The following SPIDR variants were observed in gnomAD, a reference collection of about 807,000 sequenced individuals.
SPIDR encodes DNA repair-scaffolding protein.
SPIDR carries 93 observed loss-of-function variants against 104.6 expected under a neutral mutation model. That is an observed-to-expected ratio of 0.89 (90% CI 0.75 to 1.06). The LOEUF is 1.06. SPIDR is among the 50% of genes least tolerant of loss of function. SPIDR has a pLI of 0.00. For missense variants in SPIDR, 1,154 were observed against 1,111.2 expected (o/e 1.04, Z -0.55); for synonymous variants, 431 against 416.9 (o/e 1.03, Z -0.41).
At chr8:47,327,956 C>T (rs1008302620) in intron 5 of SPIDR, among the ~76,000 whole-genome samples, 5 of 150,628 alleles carry the variant, frequency 3.3e-5, no homozygotes, top group South Asian at 4.2e-4. Flanking sequence ...CCTTGGCCTT[C>T]GAAAGTGCTG....
intron 8 of SPIDR, among the ~76,000 whole-genome samples, chr8:47,504,729 A>G (rs1395502788): frequency 1.3e-5 from 2 of 152,094 alleles, no homozygotes; most frequent in African/African-American, 4.8e-5. Flanking sequence ...TAGAGTTTCC[A>G]GTTTTTCTGC....
At chr8:47,270,108 T>C (rs369935237) in intron 1 of SPIDR, among the ~76,000 whole-genome samples, 6 of 152,234 alleles carry the variant, frequency 3.9e-5, no homozygotes, top group South Asian at 4.1e-4. Context: ...TTTTGCTCTG[T>C]GCTTCGTTGT....
At position 47,693,714 on chromosome 8, in the gene SPIDR, G is replaced by A. The variant is rs186005270; in HGVS notation, c.1686-6689G>A. On this transcript the variant is annotated intron_variant, in intron 11 of 19. Coordinates refer to ENST00000297423, the MANE Select transcript of SPIDR (RefSeq NM_001080394.4). ...GAGGATCTCGGTGGTGACCAGCCCC[G>A]GAACACAGGGTGAGGTGGGGCAGAG... is the stretch of plus-strand genomic sequence containing the variant. 3.6e-3 allele frequency among the ~76,000 whole-genome samples: 519 copies of A among 142,818 alleles called. 2 individuals are homozygous for A. Among genetic ancestry groups the A allele is most frequent in the African/African-American group, 0.013 (492 of 38,390 alleles). The allele number at this position is 142,818 out of a possible 152,430, so 93.7% of individuals were successfully genotyped here.
chr8:47,653,236 C>CT (rs1322449076), intron 10 of SPIDR, among the ~76,000 whole-genome samples: 1 of 152,278 alleles, frequency 6.6e-6, no homozygotes, highest in South Asian at 2.1e-4. Context: ...CTGTAGGACA[C>CT]TAACTTACCC....
At chr8:47,486,959 C>T (rs931119697) in intron 8 of SPIDR, among the ~76,000 whole-genome samples, 3 of 152,276 alleles carry the variant, frequency 2.0e-5, no homozygotes, top group Admixed American at 6.5e-5. Flanking sequence ...GCAAAATAAC[C>T]AGCTAACATC....
At chr8:47,507,968 G>A (rs2081733928) in intron 8 of SPIDR, among the ~76,000 whole-genome samples, 2 of 152,182 alleles carry the variant, frequency 1.3e-5, no homozygotes, top group Admixed American at 6.5e-5. Context: ...CATATGGAGG[G>A]CTTTTTCTTG....
At chr8:47,535,024 C>T (rs886389248) in intron 8 of SPIDR, among the ~76,000 whole-genome samples, 1 of 152,030 alleles carries the variant, frequency 6.6e-6, no homozygotes, top group South Asian at 2.1e-4. Context: ...AACTCTCTGC[C>T]CACAAATTCA....
At chr8:47,674,268 G>A (rs1012001800) in intron 11 of SPIDR, among the ~76,000 whole-genome samples, 4 of 152,198 alleles carry the variant, frequency 2.6e-5, no homozygotes, top group African/African-American at 7.2e-5. Context: ...TTGGGTGGTA[G>A]GTTGTGTAAA....
Position 47,508,946 on chromosome 8 carries a change from A to G in SPIDR, c.1097+68404A>G, listed in dbSNP as rs115111137. 9.4e-3 allele frequency among the ~76,000 whole-genome samples: 1,412 copies of G among 150,956 alleles called. 24 individuals are homozygous for G. The highest frequency in any genetic ancestry group is 0.032 in the African/African-American group (1,314 of 41,028). Reference sequence around the variant, plus strand: ...ATGGAAGTGTCCTTCCATTTTATATATATATATGTATATAAAATGGAAGTG... The same window carrying G: ...ATGGAAGTGTCCTTCCATTTTATATGTATATATGTATATAAAATGGAAGTG... On this transcript the variant is annotated intron_variant, in intron 8 of 19. Coordinates refer to ENST00000297423, the MANE Select transcript of SPIDR (RefSeq NM_001080394.4).
chr8:47,664,892 C>T (rs1278809490), intron 10 of SPIDR, among the ~76,000 whole-genome samples: 1 of 145,968 alleles, frequency 6.9e-6, no homozygotes, highest in Non-Finnish European at 1.5e-5. Flanking sequence ...GAGACCCTGT[C>T]TCAAAAAAAA....
chr8:47,531,131 A>G (rs1294949066), intron 8 of SPIDR, among the ~76,000 whole-genome samples: 1 of 152,176 alleles, frequency 6.6e-6, no homozygotes, highest in Non-Finnish European at 1.5e-5. Context: ...TCCTAGCCAC[A>G]AGTGTTCTTC....
chr8:47,736,253 T>C lies in SPIDR; in HGVS notation c.*803T>C, dbSNP rs2086222954. On this transcript the variant is annotated 3_prime_UTR_variant, in exon 20 of 20. Transcript: ENST00000297423. ...CATGGTTAACTACATCAGATACACG[T>C]AGCAGCCGTGACCAAGACATGGTGC... 6.6e-6 allele frequency: 1 copy of C among 152,286 alleles called. No homozygotes were observed. Among genetic ancestry groups the C allele is most frequent in the Admixed American group, 6.5e-5 (1 of 15,284 alleles). The allele number at this position is 152,286 out of a possible 1,614,324, so 9.4% of individuals were successfully genotyped here.
intron 10 of SPIDR, among the ~76,000 whole-genome samples, chr8:47,654,773 T>C (rs1051038453): frequency 6.6e-6 from 1 of 152,178 alleles, no homozygotes; most frequent in Admixed American, 6.5e-5. Context: ...ATGTGCACAA[T>C]GTGCAGGTTT....
chr8:47,294,100 T>A, intron 5 of SPIDR, 70 bp downstream of exon 5: 3 of 1,535,854 alleles, frequency 2.0e-6, no homozygotes, highest in Non-Finnish European at 1.7e-6. Context: ...TCATTTTTTT[T>A]TTTGTTTTTT....
chr8:47,580,750 T>A (rs556574880), intron 8 of SPIDR, among the ~76,000 whole-genome samples: 1 of 152,144 alleles, frequency 6.6e-6, no homozygotes, highest in South Asian at 2.1e-4. Context: ...CTGTTTCAAA[T>A]GTACTCTCCT....
intron 8 of SPIDR, among the ~76,000 whole-genome samples, chr8:47,450,172 G>GA (rs1268767982): frequency 1.3e-5 from 2 of 151,866 alleles, no homozygotes; most frequent in East Asian, 1.9e-4. Flanking sequence ...CTCAAAAAAA[G>GA]AAAAAAATTC....
At chr8:47,543,747 T>C (rs1387135847) in intron 8 of SPIDR, among the ~76,000 whole-genome samples, 2 of 152,164 alleles carry the variant, frequency 1.3e-5, no homozygotes, top group Non-Finnish European at 2.9e-5. Flanking sequence ...ACAGAGGACC[T>C]GAAAACCCTC....
Position 47,439,940 on chromosome 8 carries a change from C to G in SPIDR, c.878-383C>G, listed in dbSNP as rs180742739. On this transcript the variant is annotated intron_variant, in intron 7 of 19. Transcript: ENST00000297423. Reference sequence around the variant, plus strand: ...CAAAACAGATAATAAAGAGGAGGGTCCATCCTTAAGAAGAATCCACAGTGG... The same window carrying G: ...CAAAACAGATAATAAAGAGGAGGGTGCATCCTTAAGAAGAATCCACAGTGG... Among the ~76,000 whole-genome samples the G allele has an allele frequency of 2.0e-4, 30 of 152,294 alleles. 1 individual carries two copies. Among genetic ancestry groups the G allele is most frequent in the Middle Eastern group, 3.4e-3 (1 of 294 alleles).
chr8:47,418,605 C>G (rs1190209557), intron 7 of SPIDR, among the ~76,000 whole-genome samples: 7 of 152,124 alleles, frequency 4.6e-5, no homozygotes, highest in Non-Finnish European at 1.0e-4. Flanking sequence ...GTTGAATACC[C>G]TTTATTTCCT....
Sources: allele counts gnomAD v4.1 joint callset (sites outside exome capture counted in the v4.1 genomes callset), GRCh38; gene constraint gnomAD v4.1.1; transcripts MANE v1.5; gene names NCBI Gene and HGNC (gene_info 2026-07-23, HGNC 2026-07-21).